The following EPS15L1 variants were observed in gnomAD, a reference collection of about 807,000 sequenced individuals.
The protein encoded by EPS15L1 is epidermal growth factor receptor pathway substrate 15 like 1, also known as epidermal growth factor receptor substrate 15-like 1.
EPS15L1 carries 43 observed loss-of-function variants against 117.1 expected under a neutral mutation model. The observed-to-expected ratio is 0.37, with a 90% CI of 0.29 to 0.47. The LOEUF (loss-of-function observed/expected upper bound fraction) is 0.47, where lower values mean the gene tolerates loss of function less well. Among genes scored for constraint, EPS15L1 ranks in the 20% least tolerant of loss-of-function variants. The pLI, the probability that EPS15L1 is intolerant of heterozygous loss-of-function variation, is 0.99. For synonymous variants in EPS15L1, 459 were observed against 470.5 expected (o/e 0.98, Z 0.32); for missense variants, 981 against 1,164.0 (o/e 0.84, Z 2.29).
At chr19:16,362,511 CTTTTT>C (rs71178690) in intron 22 of EPS15L1, among the ~76,000 whole-genome samples, 21 of 56,068 alleles carry the variant, frequency 3.7e-4, no homozygotes, top group African/African-American at 9.9e-4. Context: ...GGTTTAAGTT[CTTTTT>C]TTTTTTTTTT....
chr19:16,452,138 C>CAAA (rs1278481157), intron 1 of EPS15L1, among the ~76,000 whole-genome samples: 1 of 130,112 alleles, frequency 7.7e-6, no homozygotes, highest in African/African-American at 2.8e-5. Flanking sequence ...GACTTCGTCT[C>CAAA]AAAAAAAAAA....
At chr19:16,387,233 G>A (rs1328805817) in intron 19 of EPS15L1, among the ~76,000 whole-genome samples, 1 of 152,224 alleles carries the variant, frequency 6.6e-6, no homozygotes, top group Non-Finnish European at 1.5e-5. Context: ...CATCACCGGG[G>A]TCAGTGGATC....
intron 1 of EPS15L1, among the ~76,000 whole-genome samples, chr19:16,444,732 T>C (rs1313414046): frequency 6.6e-6 from 1 of 151,776 alleles, no homozygotes; most frequent in Non-Finnish European, 1.5e-5. Flanking sequence ...GACAAGTTTT[T>C]TTTTTTTTTT....
chr19:16,398,033 A>AT (rs1266300011), intron 16 of EPS15L1, among the ~76,000 whole-genome samples: 7 of 152,328 alleles, frequency 4.6e-5, no homozygotes, highest in Admixed American at 6.5e-5. Context: ...GCGTCCACAA[A>AT]AATAGGGACA....
At chr19:16,428,200 CAA>C (rs923222630) in intron 8 of EPS15L1, among the ~76,000 whole-genome samples, 3 of 111,880 alleles carry the variant, frequency 2.7e-5, no homozygotes, top group Admixed American at 2.0e-4. Context: ...GACTCCGTAT[CAA>C]AAAAAAAAAG....
chr19:16,409,710 G>A (rs1390098062), intron 13 of EPS15L1, among the ~76,000 whole-genome samples: 3 of 152,054 alleles, frequency 2.0e-5, no homozygotes, highest in African/African-American at 4.8e-5. Context: ...GGCCAAGGTG[G>A]GAGGATCACC....
At chr19:16,409,008 G>T (rs765471857) in intron 13 of EPS15L1, among the ~76,000 whole-genome samples, 120 of 152,108 alleles carry the variant, frequency 7.9e-4, no homozygotes, top group Non-Finnish European at 1.4e-3. Context: ...GATCCCTAGA[G>T]GCCAGGTGTT....
chr19:16,358,931 T>C (rs529577352), intron 23 of EPS15L1, among the ~76,000 whole-genome samples: 3 of 152,222 alleles, frequency 2.0e-5, no homozygotes, highest in Non-Finnish European at 2.9e-5. Flanking sequence ...CACATTTGCC[T>C]GAGACAGAAA....
intron 1 of EPS15L1, among the ~76,000 whole-genome samples, chr19:16,457,565 C>T (rs1235644799): frequency 2.6e-5 from 4 of 151,948 alleles, no homozygotes; most frequent in African/African-American, 4.8e-5. Context: ...GATGGAGGGG[C>T]GGGCGTGTAG....
chr19:16,378,617 G>A lies in EPS15L1; in HGVS notation c.2248-1363C>T, dbSNP rs374690778. ...GGAGGGCAAGCACAGTCCTCTCCCC[G>A]GCACCTGCTGCCTCCAGGCCTGTGA... On this transcript the variant is annotated intron_variant, in intron 21 of 23. Transcript: ENST00000455140. Among the ~76,000 whole-genome samples the A allele has an allele frequency of 4.2e-4, 64 of 152,046 alleles. 1 individual carries two copies. The highest frequency in any genetic ancestry group is 1.3e-3 in the African/African-American group (53 of 41,406).
chr19:16,374,188 C>T (rs1599539326), intron 22 of EPS15L1, among the ~76,000 whole-genome samples: 1 of 152,326 alleles, frequency 6.6e-6, no homozygotes, highest in Non-Finnish European at 1.5e-5. Context: ...GACCTCCCTC[C>T]CCGCCTTTCC....
intron 1 of EPS15L1, among the ~76,000 whole-genome samples, chr19:16,449,881 A>C (rs1435751715): frequency 9.9e-5 from 15 of 152,228 alleles, no homozygotes; most frequent in Admixed American, 9.8e-4. Flanking sequence ...AATTATGCTG[A>C]ATGACAAAGG....
Position 16,463,433 on chromosome 19 carries a change from T to C in EPS15L1, c.33+8480A>G, listed in dbSNP as rs557521250. Among the ~76,000 whole-genome samples, 9 of 152,254 alleles carry C rather than the reference T, an allele frequency of 5.9e-5. No individual in the cohort carries two copies. The South Asian group carries it at 1.9e-3, about 32-fold the overall frequency. The stretch of plus-strand genomic sequence containing the variant: ...CTGAAACAACCTCAGGCCAGGTTCC[T>C]CTTGATCACTTCATGCCCATATCAC... On this transcript the variant is annotated intron_variant, in intron 1 of 23. Coordinates refer to ENST00000455140, the MANE Select transcript of EPS15L1 (RefSeq NM_001258374.3).
intron 23 of EPS15L1, among the ~76,000 whole-genome samples, chr19:16,360,704 C>T (rs1456569397): frequency 6.6e-6 from 1 of 152,074 alleles, no homozygotes; most frequent in African/African-American, 2.4e-5. Context: ...GCTCTGATCG[C>T]GCCAATGCAG....
intron 1 of EPS15L1, among the ~76,000 whole-genome samples, chr19:16,453,900 A>G (rs62945060): frequency 6.8e-6 from 1 of 146,092 alleles, no homozygotes; most frequent in Non-Finnish European, 1.5e-5. Context: ...AAAAAAAAAA[A>G]GGCCATTTGA....
chr19:16,394,089 C>T, intron 17 of EPS15L1, 88 bp from the exon 18 acceptor site: 1 of 1,091,314 alleles, frequency 9.2e-7, no homozygotes, highest in Non-Finnish European at 1.4e-6. Context: ...CCTCCCAAGC[C>T]TTTCATTGCC....
In EPS15L1 at chr19:16,404,866, C is replaced by A; in HGVS notation, c.1267-117G>T. On this transcript the variant is annotated intron_variant, in intron 13 of 23. Transcript: ENST00000455140. The surrounding 1 kb of genome is among the most constrained non-coding windows in gnomAD (Gnocchi z 4.2). ...AAGCCTCCGAAACCACCCACTGTGA[C>A]CGTGCTCAGGGCCAGCATTCCGTGC... 1.7e-6 allele frequency: 2 copies of A among 1,145,938 alleles called. No individual in the cohort carries two copies. Among genetic ancestry groups the A allele is most frequent in the Non-Finnish European group, 2.5e-6 (2 of 794,932 alleles). 71.0% of individuals were successfully genotyped at this position (1,145,938 alleles called of 1,614,324 possible).
At position 16,434,443 on chromosome 19, in the gene EPS15L1, G is replaced by T. The variant is rs2092959478; in HGVS notation, c.420C>A (p.Pro140=). 2 of 1,613,986 alleles carry T rather than the reference G, an allele frequency of 1.2e-6. No individual in the cohort carries two copies. The highest frequency in any genetic ancestry group is 1.7e-6 in the Non-Finnish European group (2 of 1,180,018). The change falls in exon 7 of 24, where the codon CCC becomes CCA. Residue 140 remains proline, a synonymous_variant. Transcript: ENST00000455140. ...TGTCTCCAGAGAGCAAACCATTGATGGGCAAGAGGCTTTCAAAAATCCCAT... is the reference window on the plus strand; with the variant it reads ...TGTCTCCAGAGAGCAAACCATTGATTGGCAAGAGGCTTTCAAAAATCCCAT... ...KFDGIFESLL[P]INGLLSGDKV... is the part of the protein sequence containing the mutation.
chr19:16,409,776 A>G (rs567095083), intron 13 of EPS15L1, among the ~76,000 whole-genome samples: 1 of 152,096 alleles, frequency 6.6e-6, no homozygotes, highest in South Asian at 2.1e-4. Flanking sequence ...TGTCTCTACT[A>G]AAAACACAAA....
Sources: allele counts gnomAD v4.1 joint callset (sites outside exome capture counted in the v4.1 genomes callset), GRCh38; gene constraint gnomAD v4.1.1; non-coding constraint Gnocchi (gnomAD v3.1); transcripts MANE v1.5; gene names NCBI Gene and HGNC (gene_info 2026-07-23, HGNC 2026-07-21).